Variants in ZNF654 observed in about 807,000 individuals in gnomAD.
ZNF654 encodes melanoma-associated antigen.
Under a neutral mutation model 95.3 loss-of-function variants are expected in ZNF654, and 19 were observed. The observed-to-expected ratio is 0.20, with a 90% CI of 0.14 to 0.29. The LOEUF is 0.29. ZNF654 is among the 10% of genes least tolerant of loss of function. The pLI, the probability that ZNF654 is intolerant of heterozygous loss-of-function variation, is 1.00. For missense variants in ZNF654, 1,046 were observed against 1,341.0 expected, an observed-to-expected ratio of 0.78 and a Z score of 3.44; for synonymous variants, 413 against 457.9, an observed-to-expected ratio of 0.90 and a Z score of 1.25.
At chr3:88,099,302 C>A (rs964352040) in intron 2 of ZNF654, among the ~76,000 whole-genome samples, 2 of 152,180 alleles carry the variant, frequency 1.3e-5, no homozygotes, top group African/African-American at 4.8e-5. Context: ...TCAAGGAGAA[C>A]TGCAAATCAC....
intron 1 of ZNF654, among the ~76,000 whole-genome samples, chr3:88,078,926 CTT>C (rs1707946619): frequency 6.6e-6 from 1 of 151,858 alleles, no homozygotes; most frequent in Non-Finnish European, 1.5e-5. Context: ...TTGTATACAA[CTT>C]TGATGATAAA....
chr3:88,128,843 C>T lies in ZNF654; in HGVS notation c.585C>T (p.Phe195=). Residue 195 remains phenylalanine, a synonymous_variant, in exon 5 of 9, where the codon TTC becomes TTT. Transcript: ENST00000636215. ...ATTTAAGTTCTGAAAATCCACTGTT[C>T]TTTGAACTACGTGCCAGATACCTAA... ...NKYLSSENPL[F]FELRARYLIA... is the part of the protein sequence containing the mutation. 1 of 1,535,332 alleles carries T rather than the reference C, an allele frequency of 6.5e-7. No individual in the cohort carries two copies. The highest frequency in any genetic ancestry group is 1.4e-5 in the African/African-American group (1 of 73,086).
At chr3:88,096,628 G>C (rs1396165774) in intron 2 of ZNF654, among the ~76,000 whole-genome samples, 3 of 152,024 alleles carry the variant, frequency 2.0e-5, no homozygotes, top group African/African-American at 7.3e-5. Flanking sequence ...ATTTTCTTCT[G>C]ATGAAAAATC....
At chr3:88,129,321 T>TTA (rs772189434) in intron 5 of ZNF654, among the ~76,000 whole-genome samples, 21 of 76,932 alleles carry the variant, frequency 2.7e-4, no homozygotes, top group Admixed American at 2.5e-3. Flanking sequence ...TTGCCAGGAG[T>TTA]AAAAAAAAAA....
chr3:88,078,342 A>G (rs1455467069), intron 1 of ZNF654, among the ~76,000 whole-genome samples: 1 of 152,208 alleles, frequency 6.6e-6, no homozygotes, highest in African/African-American at 2.4e-5. Flanking sequence ...ATGATTTTCA[A>G]ATTGGTAACT....
chr3:88,096,927 C>A (rs1234510719), intron 2 of ZNF654, among the ~76,000 whole-genome samples: 1 of 152,046 alleles, frequency 6.6e-6, no homozygotes, highest in African/African-American at 2.4e-5. Context: ...TAGACAAATG[C>A]TAGTATACTA....
chr3:88,091,450 A>G (rs998106337), intron 2 of ZNF654, among the ~76,000 whole-genome samples: 1 of 152,188 alleles, frequency 6.6e-6, no homozygotes, highest in Non-Finnish European at 1.5e-5. Flanking sequence ...TTCAGTGCCT[A>G]TTGGAATTTT....
At chr3:88,078,309 T>G (rs1707918855) in intron 1 of ZNF654, among the ~76,000 whole-genome samples, 1 of 152,210 alleles carries the variant, frequency 6.6e-6, no homozygotes, top group Admixed American at 6.5e-5. Context: ...TTCATTTTAT[T>G]TTTGGAACTT....
chr3:88,097,590 C>T (rs1430362241), intron 2 of ZNF654, among the ~76,000 whole-genome samples: 3 of 152,184 alleles, frequency 2.0e-5, no homozygotes, highest in Non-Finnish European at 2.9e-5. Context: ...AAGTAAAACA[C>T]TCCTCAGCAA....
At chr3:88,127,172 A>C (rs1312832113) in intron 4 of ZNF654, among the ~76,000 whole-genome samples, 1 of 152,210 alleles carries the variant, frequency 6.6e-6, no homozygotes, top group Non-Finnish European at 1.5e-5. Context: ...AGGGGAAAAA[A>C]ACAAGACCTC....
At chr3:88,136,027 A>G (rs1393641510) in intron 7 of ZNF654, among the ~76,000 whole-genome samples, 1 of 152,140 alleles carries the variant, frequency 6.6e-6, no homozygotes, top group Non-Finnish European at 1.5e-5. Flanking sequence ...TAATTTCGCT[A>G]ACTGCATTTA....
At chr3:88,095,676 T>C (rs1036560678) in intron 2 of ZNF654, 42 of 464,498 alleles carry the variant, frequency 9.0e-5, no homozygotes, top group Non-Finnish European at 1.6e-4. Context: ...TTGGACTTGA[T>C]ACTGTCAGCA....
intron 1 of ZNF654, among the ~76,000 whole-genome samples, chr3:88,065,438 C>T (rs1707142369): frequency 6.6e-6 from 1 of 151,998 alleles, no homozygotes; most frequent in African/African-American, 2.4e-5. Flanking sequence ...TCCTATGTCC[C>T]TTTTCCCTAA....
intron 7 of ZNF654, chr3:88,135,431 A>G (rs1462376351): frequency 6.3e-6 from 2 of 318,508 alleles, no homozygotes; most frequent in Non-Finnish European, 1.1e-5. Context: ...TTCCATTACA[A>G]CCTTTTTTCT....
At chr3:88,097,675 AACTC>A (rs370239200) in intron 2 of ZNF654, among the ~76,000 whole-genome samples, 4,803 of 152,272 alleles carry the variant, frequency 0.032, 273 homozygotes, top group African/African-American at 0.11. Flanking sequence ...AGGATTAAGA[AACTC>A]ACTCAAAACC....
chr3:88,104,154 G>A (rs1170178428), intron 2 of ZNF654, among the ~76,000 whole-genome samples: 1 of 152,112 alleles, frequency 6.6e-6, no homozygotes, highest in Non-Finnish European at 1.5e-5. Context: ...CTGAACTACA[G>A]AAAAATGTTA....
At chr3:88,071,314 A>G (rs1707497043) in intron 1 of ZNF654, among the ~76,000 whole-genome samples, 3 of 151,924 alleles carry the variant, frequency 2.0e-5, no homozygotes, top group African/African-American at 7.3e-5. Flanking sequence ...GTTTGAGACC[A>G]GCCTGGCCAA....
intron 1 of ZNF654, among the ~76,000 whole-genome samples, chr3:88,060,753 C>CTTTCAATGCTTGTAAGGGATTT (rs1317515556): frequency 6.6e-6 from 1 of 152,054 alleles, no homozygotes; most frequent in Non-Finnish European, 1.5e-5. Flanking sequence ...GCTGACATTT[C>CTTTCAATGCTTGTAAGGGATTT]TTTCAATGCT....
intron 1 of ZNF654, among the ~76,000 whole-genome samples, chr3:88,064,109 C>CTTTTTTTTTTT (rs34753092): frequency 6.8e-6 from 1 of 147,904 alleles, no homozygotes. Flanking sequence ...CGAGCTTCTT[C>CTTTTTTTTTTT]TTTTTTTTTT....
Sources: gnomAD v4.1 joint callset for allele counts (sites outside exome capture counted in the v4.1 genomes callset) on GRCh38, gnomAD v4.1.1 for gene constraint, MANE v1.5 for transcripts, NCBI Gene and HGNC (gene_info 2026-07-23, HGNC 2026-07-21) for gene names.